ADTRP: variants seen among roughly 807,000 people sequenced by gnomAD.
The protein encoded by ADTRP is androgen-dependent TFPI-regulating protein.
In ADTRP, 20 loss-of-function variants were observed where a neutral mutation model predicts 27.0. The observed-to-expected ratio is 0.74, with a 90% CI of 0.52 to 1.08. The LOEUF (loss-of-function observed/expected upper bound fraction) is 1.08, where lower values mean the gene tolerates loss of function less well. Among genes scored for constraint, ADTRP ranks in the 50% least tolerant of loss-of-function variants. The pLI is 0.00. For missense variants in ADTRP, 251 were observed against 275.0 expected, an observed-to-expected ratio of 0.91 and a Z score of 0.62; for synonymous variants, 101 against 105.2, an observed-to-expected ratio of 0.96 and a Z score of 0.25.
At chr6:11,755,494 G>A (rs62395246) in intron 3 of ADTRP, among the ~76,000 whole-genome samples, 7,062 of 152,250 alleles carry the variant, frequency 0.046, 224 homozygotes, top group Non-Finnish European at 0.067. Flanking sequence ...AACCACCAGT[G>A]GACTGGTCGT....
chr6:11,733,241 T>A (rs930218175), intron 4 of ADTRP, among the ~76,000 whole-genome samples: 1 of 152,282 alleles, frequency 6.6e-6, no homozygotes, highest in South Asian at 2.1e-4. Context: ...TTCAGTCTAA[T>A]GTCCACACTT....
intron 3 of ADTRP, among the ~76,000 whole-genome samples, chr6:11,757,161 T>C (rs1486761859): frequency 6.6e-6 from 1 of 152,244 alleles, no homozygotes; most frequent in Non-Finnish European, 1.5e-5. Flanking sequence ...TTCCAGTGTT[T>C]CCCTACAAAA....
intron 4 of ADTRP, among the ~76,000 whole-genome samples, chr6:11,733,886 C>A (rs1000400676): frequency 6.6e-6 from 1 of 152,188 alleles, no homozygotes; most frequent in Non-Finnish European, 1.5e-5. Flanking sequence ...CCAATAACAG[C>A]AGTGGCCTTA....
At chr6:11,734,726 C>A (rs553836635) in intron 4 of ADTRP, among the ~76,000 whole-genome samples, 1 of 150,806 alleles carries the variant, frequency 6.6e-6, no homozygotes, top group Non-Finnish European at 1.5e-5. Flanking sequence ...TCTCTCTCTG[C>A]GCTTCCATCC....
intron 1 of ADTRP, among the ~76,000 whole-genome samples, chr6:11,777,736 A>C (rs2113366985): frequency 6.6e-6 from 1 of 152,248 alleles, no homozygotes; most frequent in African/African-American, 2.4e-5. Context: ...CCACGTCCTT[A>C]GCATTTCAGA....
chr6:11,776,204 A>G (rs975983140), intron 1 of ADTRP, among the ~76,000 whole-genome samples: 1 of 152,212 alleles, frequency 6.6e-6, no homozygotes, highest in African/African-American at 2.4e-5. Flanking sequence ...ATGACTCCTA[A>G]TGGAGCTCAG....
At chr6:11,774,411 C>T (rs2113356883) in intron 1 of ADTRP, among the ~76,000 whole-genome samples, 1 of 152,262 alleles carries the variant, frequency 6.6e-6, no homozygotes, top group South Asian at 2.1e-4. Context: ...AATTCAACCC[C>T]ATCTTCTCAC....
chr6:11,735,828 C>T, intron 3 of ADTRP, 145 bp from the exon 4 acceptor site: 1 of 623,702 alleles, frequency 1.6e-6, no homozygotes, highest in East Asian at 2.8e-5. Context: ...GCCCAAGGAC[C>T]TACCGTGGCT....
chr6:11,767,888 A>G (rs1213765869), intron 2 of ADTRP: 1 of 189,104 alleles, frequency 5.3e-6, no homozygotes, highest in African/African-American at 2.3e-5. Flanking sequence ...AGATGTATAA[A>G]AGGGGAAAAT....
intron 4 of ADTRP, among the ~76,000 whole-genome samples, chr6:11,724,097 C>A (rs184258175): frequency 4.7e-4 from 65 of 136,944 alleles, no homozygotes; most frequent in African/African-American, 1.8e-3. Flanking sequence ...AAACATAGAA[C>A]CATCGTTAGC....
chr6:11,715,391 G>A (rs907906824), intron 5 of ADTRP, among the ~76,000 whole-genome samples: 3 of 152,048 alleles, frequency 2.0e-5, no homozygotes, highest in Non-Finnish European at 2.9e-5. Context: ...ATCATGACTG[G>A]TGACTTGAAG....
At chr6:11,769,930 C>T in intron 1 of ADTRP, 1 of 1,287,842 alleles carries the variant, frequency 7.8e-7, no homozygotes, top group Non-Finnish European at 1.1e-6. Flanking sequence ...TTGGTATGTG[C>T]CAGGCACTGA....
intron 3 of ADTRP, among the ~76,000 whole-genome samples, chr6:11,758,110 G>T (rs924639834): frequency 1.3e-5 from 2 of 152,174 alleles, no homozygotes; most frequent in Non-Finnish European, 2.9e-5. Context: ...TCTAATCTGT[G>T]CAGTGGGAAG....
At chr6:11,745,005 C>T (rs1001133967) in intron 3 of ADTRP, among the ~76,000 whole-genome samples, 1 of 152,168 alleles carries the variant, frequency 6.6e-6, no homozygotes, top group Non-Finnish European at 1.5e-5. Flanking sequence ...ATGACTGATC[C>T]CATGACAGAT....
chr6:11,777,164 C>T (rs893261181), intron 1 of ADTRP, among the ~76,000 whole-genome samples: 1 of 152,042 alleles, frequency 6.6e-6, no homozygotes, highest in Non-Finnish European at 1.5e-5. Context: ...GTATCATTGA[C>T]AAGATAAGAG....
Position 11,751,629 on chromosome 6 carries a change from T to G in ADTRP, c.390+14645A>C, listed in dbSNP as rs1258370156. ...CATTTTGGGGGATTTTTTGTATTTT[T>G]AATCACTACATGTTGGACAAATTCT... On this transcript the variant is annotated intron_variant, in intron 3 of 5. Coordinates refer to ENST00000414691, the MANE Select transcript of ADTRP (RefSeq NM_032744.4). Among the ~76,000 whole-genome samples the G allele has an allele frequency of 3.9e-5, 6 of 152,226 alleles. 1 individual carries two copies.
chr6:11,760,246 T>G (rs1324356646), intron 3 of ADTRP, among the ~76,000 whole-genome samples: 1 of 152,174 alleles, frequency 6.6e-6, no homozygotes, highest in African/African-American at 2.4e-5. Flanking sequence ...CAAGGCTCTA[T>G]CCTCCCCCCA....
intron 5 of ADTRP, among the ~76,000 whole-genome samples, chr6:11,720,911 A>C (rs1302842899): frequency 1.3e-5 from 2 of 152,164 alleles, no homozygotes; most frequent in African/African-American, 4.8e-5. Flanking sequence ...CTTTACACCT[A>C]GGAAAAAAGG....
chr6:11,735,948 CT>C, intron 3 of ADTRP: 1 of 316,682 alleles, frequency 3.2e-6, no homozygotes, highest in Non-Finnish European at 5.9e-6. Context: ...TCCCCTCTCC[CT>C]ACTTTTTTTT....
Sources: gnomAD v4.1 joint callset for allele counts (sites outside exome capture counted in the v4.1 genomes callset) on GRCh38, gnomAD v4.1.1 for gene constraint, MANE v1.5 for transcripts, NCBI Gene and HGNC (gene_info 2026-07-23, HGNC 2026-07-21) for gene names.